KHDRBS2: variants seen among roughly 807,000 people sequenced by gnomAD.
The protein encoded by KHDRBS2 is KH domain-containing, RNA-binding, signal transduction-associated protein 2.
A neutral mutation model predicts 44.3 loss-of-function variants in KHDRBS2; 26 were observed. The ratio of observed to expected loss-of-function variants is 0.59; its 90% CI spans 0.43 to 0.81. The LOEUF is 0.81. Ranked by LOEUF, KHDRBS2 falls within the 40% of genes least tolerant of loss-of-function variation. KHDRBS2 has a pLI of 0.00. For missense variants in KHDRBS2, 476 were observed against 433.1 expected, an observed-to-expected ratio of 1.10 and a Z score of -0.88; for synonymous variants, 194 against 151.1, an observed-to-expected ratio of 1.28 and a Z score of -2.08.
chr6:61,579,883 C>A, the KHDRBS2 span, among the ~76,000 whole-genome samples: 44 of 110,568 alleles, frequency 4.0e-4, no homozygotes, highest in Non-Finnish European at 7.2e-4. Context: ...CATGGAGAAA[C>A]CCCGTCTCTA....
At chr6:61,749,861 A>C (rs1228768446) in intron 6 of KHDRBS2, among the ~76,000 whole-genome samples, 1 of 152,156 alleles carries the variant, frequency 6.6e-6, no homozygotes, top group African/African-American at 2.4e-5. Flanking sequence ...AAAAGGGAAA[A>C]AATCAGATCC....
intron 6 of KHDRBS2, among the ~76,000 whole-genome samples, chr6:61,886,437 G>A (rs187784132): frequency 3.5e-4 from 53 of 152,044 alleles, no homozygotes; most frequent in East Asian, 1.2e-3. Context: ...CCTTGCAGTC[G>A]TTTTTCTTAC....
chr6:62,156,831 C>A (rs1389632419), intron 2 of KHDRBS2, among the ~76,000 whole-genome samples: 2 of 120,214 alleles, frequency 1.7e-5, no homozygotes, highest in African/African-American at 3.4e-5. Flanking sequence ...GCCACCACGC[C>A]CGGCTAATTT....
chr6:62,062,006 C>A (rs1348288361), intron 2 of KHDRBS2, among the ~76,000 whole-genome samples: 1 of 151,786 alleles, frequency 6.6e-6, no homozygotes, highest in African/African-American at 2.4e-5. Flanking sequence ...AGTTCTCGAG[C>A]CTTGGTTTTC....
chr6:62,285,346 A>G lies in KHDRBS2; in HGVS notation c.91+512T>C, dbSNP rs73490807. Among the ~76,000 whole-genome samples the G allele has an allele frequency of 1.9e-3, 292 of 152,332 alleles. 1 individual carries two copies. The highest frequency in any genetic ancestry group is 6.7e-3 in the African/African-American group (279 of 41,570). ...GCCTTTACTTACCACATTAACATAC[A>G]TATAAGAACATGCATAGTTTAATGC... On this transcript the variant is annotated intron_variant, in intron 1 of 8. Coordinates refer to ENST00000281156, the MANE Select transcript of KHDRBS2 (RefSeq NM_152688.4).
At chr6:61,939,552 AAAAC>A (rs1811734100) in intron 4 of KHDRBS2, among the ~76,000 whole-genome samples, 1 of 152,122 alleles carries the variant, frequency 6.6e-6, no homozygotes, top group Admixed American at 6.6e-5. Context: ...ATGGGTAAAA[AAAAC>A]AGATTTATTG....
At chr6:61,807,040 A>C (rs773347167) in intron 6 of KHDRBS2, among the ~76,000 whole-genome samples, 6 of 152,150 alleles carry the variant, frequency 3.9e-5, no homozygotes, top group Non-Finnish European at 7.3e-5. Context: ...AAGCCACAGA[A>C]GACATACAGA....
chr6:62,172,106 T>C (rs1820130772), intron 2 of KHDRBS2, among the ~76,000 whole-genome samples: 1 of 152,042 alleles, frequency 6.6e-6, no homozygotes, highest in Admixed American at 6.6e-5. Context: ...ATGGGTGAAA[T>C]GCCCCAACTA....
chr6:61,642,056 A>G, the KHDRBS2 span, among the ~76,000 whole-genome samples: 4 of 152,108 alleles, frequency 2.6e-5, no homozygotes, highest in Admixed American at 1.3e-4. Flanking sequence ...TACTATTAAC[A>G]TGTCTACGGA....
At chr6:62,176,089 C>A (rs1821033221) in intron 2 of KHDRBS2, among the ~76,000 whole-genome samples, 1 of 151,346 alleles carries the variant, frequency 6.6e-6, no homozygotes, top group African/African-American at 2.4e-5. Flanking sequence ...ACACATTATT[C>A]TTTATACTCC....
At chr6:61,580,043 G>A in the KHDRBS2 span, among the ~76,000 whole-genome samples, 1 of 152,196 alleles carries the variant, frequency 6.6e-6, no homozygotes, top group Non-Finnish European at 1.5e-5. Context: ...GGCAACAAGA[G>A]CAAAACTCCA....
At chr6:61,987,827 T>G (rs893056721) in intron 3 of KHDRBS2, among the ~76,000 whole-genome samples, 22 of 152,248 alleles carry the variant, frequency 1.4e-4, no homozygotes, top group Admixed American at 1.1e-3. Flanking sequence ...TCACTTCACT[T>G]CCAAATGCCT....
chr6:62,190,076 G>A (rs1278989397), intron 1 of KHDRBS2, among the ~76,000 whole-genome samples: 1 of 152,102 alleles, frequency 6.6e-6, no homozygotes, highest in Non-Finnish European at 1.5e-5. Flanking sequence ...CAAAGTTCAG[G>A]AAGAGAATGA....
At chr6:61,564,118 C>T in the KHDRBS2 span, among the ~76,000 whole-genome samples, 1 of 152,050 alleles carries the variant, frequency 6.6e-6, no homozygotes, top group South Asian at 2.1e-4. Flanking sequence ...CTCAGCCATG[C>T]AGAAAACAAA....
intron 2 of KHDRBS2, among the ~76,000 whole-genome samples, chr6:62,176,643 T>G (rs1028050155): frequency 3.3e-5 from 5 of 151,220 alleles, no homozygotes; most frequent in Admixed American, 6.6e-5. Flanking sequence ...CAATGATCTA[T>G]TGGTGAAAAA....
At chr6:61,817,479 T>C (rs1486282368) in intron 6 of KHDRBS2, among the ~76,000 whole-genome samples, 1 of 152,110 alleles carries the variant, frequency 6.6e-6, no homozygotes, top group African/African-American at 2.4e-5. Flanking sequence ...TATTAGACTT[T>C]TTTTCCTTTG....
chr6:61,823,404 T>C (rs1282635334), intron 6 of KHDRBS2, among the ~76,000 whole-genome samples: 1 of 152,088 alleles, frequency 6.6e-6, no homozygotes, highest in African/African-American at 2.4e-5. Flanking sequence ...ATTGCTATTC[T>C]TTACACAAAT....
At chr6:61,834,766 C>T (rs79804497) in intron 6 of KHDRBS2, among the ~76,000 whole-genome samples, 4,230 of 152,000 alleles carry the variant, frequency 0.028, 190 homozygotes, top group African/African-American at 0.096. Flanking sequence ...AATCTTAATG[C>T]ATAGGAGTCT....
At chr6:61,888,386 T>A (rs1801286316) in intron 6 of KHDRBS2, among the ~76,000 whole-genome samples, 1 of 152,136 alleles carries the variant, frequency 6.6e-6, no homozygotes, top group Non-Finnish European at 1.5e-5. Context: ...TGTTGGTGAC[T>A]AGAGCTGAAC....
Sources: gnomAD v4.1 joint callset for allele counts (sites outside exome capture counted in the v4.1 genomes callset) on GRCh38, gnomAD v4.1.1 for gene constraint, MANE v1.5 for transcripts, NCBI Gene and HGNC (gene_info 2026-07-23, HGNC 2026-07-21) for gene names.